Variants in CLYBL observed in about 807,000 individuals in gnomAD.
The protein encoded by CLYBL is citramalyl-CoA lyase.
A neutral mutation model predicts 38.9 loss-of-function variants in CLYBL; 31 were observed. The ratio of observed to expected loss-of-function variants is 0.80; its 90% CI spans 0.60 to 1.08. CLYBL has a LOEUF of 1.08. CLYBL is among the 50% of genes least tolerant of loss of function. The pLI is 0.00. For synonymous variants in CLYBL, 171 were observed against 158.6 expected, an observed-to-expected ratio of 1.08 and a Z score of -0.59; for missense variants, 434 against 411.6, an observed-to-expected ratio of 1.05 and a Z score of -0.47.
chr13:99,855,218 G>A (rs570120613), intron 2 of CLYBL, among the ~76,000 whole-genome samples: 1 of 152,278 alleles, frequency 6.6e-6, no homozygotes, highest in South Asian at 2.1e-4. Context: ...GTCCTGTAGT[G>A]TTAACACATT....
In CLYBL at chr13:99,837,897, G is replaced by A. The variant is rs570886004; in HGVS notation, c.250-20964G>A. Among the ~76,000 whole-genome samples, 6 of 152,256 alleles carry A rather than the reference G, an allele frequency of 3.9e-5. No individual in the cohort carries two copies. In the East Asian group the frequency reaches 1.2e-3, roughly 29 times the overall value. ...CAGAAATCTCTACATACCAAAACGT[G>A]TACTAAGCTTCTTAACCATAAATGA... On this transcript the variant is annotated intron_variant, in intron 2 of 8. Coordinates refer to ENST00000339105, the MANE Select transcript of CLYBL (RefSeq NM_206808.5).
intron 2 of CLYBL, among the ~76,000 whole-genome samples, chr13:99,815,090 C>T (rs2050416834): frequency 6.6e-6 from 1 of 152,158 alleles, no homozygotes; most frequent in Non-Finnish European, 1.5e-5. Flanking sequence ...AGGTAACACA[C>T]CCCACATGGT....
At chr13:99,899,504 T>G (rs946057122), downstream of CLYBL, among the ~76,000 whole-genome samples, 2 of 152,070 alleles carry the variant, frequency 1.3e-5, no homozygotes, top group African/African-American at 4.8e-5. Flanking sequence ...CATATGGTGG[T>G]TGTCAGGGTT....
intron 2 of CLYBL, among the ~76,000 whole-genome samples, chr13:99,811,293 A>G (rs2050336783): frequency 6.6e-6 from 1 of 152,206 alleles, no homozygotes; most frequent in Non-Finnish European, 1.5e-5. Flanking sequence ...GAGACCAAAA[A>G]TGCATGTCAA....
At chr13:99,792,978 T>G (rs1183884276) in intron 2 of CLYBL, among the ~76,000 whole-genome samples, 2 of 151,878 alleles carry the variant, frequency 1.3e-5, no homozygotes, top group Non-Finnish European at 2.9e-5. Context: ...AGCATATATA[T>G]TCTCTCTACT....
At chr13:99,901,641 T>G (rs1223675136), downstream of CLYBL, among the ~76,000 whole-genome samples, 2 of 30,610 alleles carry the variant, frequency 6.5e-5, no homozygotes, top group Non-Finnish European at 1.0e-4. Context: ...TTTTGGATTT[T>G]TTTGTTTTTT....
At chr13:99,612,167 C>CT (rs1427440412) in intron 1 of CLYBL, among the ~76,000 whole-genome samples, 2 of 152,020 alleles carry the variant, frequency 1.3e-5, no homozygotes, top group South Asian at 2.1e-4. Flanking sequence ...ATTTGTAATT[C>CT]TTTTTTCTCT....
intron 2 of CLYBL, among the ~76,000 whole-genome samples, chr13:99,808,305 C>T (rs1020329436): frequency 6.6e-6 from 1 of 152,044 alleles, no homozygotes; most frequent in Non-Finnish European, 1.5e-5. Context: ...AGACTGGTCT[C>T]AAACTCCTGG....
intron 1 of CLYBL, among the ~76,000 whole-genome samples, chr13:99,663,564 C>A (rs144663748): frequency 6.6e-6 from 1 of 152,160 alleles, no homozygotes; most frequent in Admixed American, 6.5e-5. Flanking sequence ...TCGGGACATG[C>A]CTTGGTTTGT....
At chr13:99,834,243 G>C (rs1476695459) in intron 2 of CLYBL, among the ~76,000 whole-genome samples, 1 of 152,142 alleles carries the variant, frequency 6.6e-6, no homozygotes, top group Non-Finnish European at 1.5e-5. Flanking sequence ...TGCCTGCCAA[G>C]GTGCCAAGCC....
chr13:99,644,179 A>G (rs80101912), intron 1 of CLYBL, among the ~76,000 whole-genome samples: 1 of 131,296 alleles, frequency 7.6e-6, no homozygotes, highest in African/African-American at 3.2e-5. Flanking sequence ...ATGTATGTAC[A>G]TGTGTATGTA....
At chr13:99,897,421 C>T (rs2052594882), downstream of CLYBL, among the ~76,000 whole-genome samples, 1 of 152,202 alleles carries the variant, frequency 6.6e-6, no homozygotes, top group East Asian at 1.9e-4. Flanking sequence ...CATACAAGCT[C>T]TTGTTCGAGA....
intron 1 of CLYBL, among the ~76,000 whole-genome samples, chr13:99,681,160 T>G (rs1420135656): frequency 6.6e-6 from 1 of 152,222 alleles, no homozygotes; most frequent in East Asian, 1.9e-4. Context: ...GGATTGGATC[T>G]TAAGCCGGAA....
chr13:99,712,763 G>T (rs2048255196), intron 1 of CLYBL, among the ~76,000 whole-genome samples: 2 of 152,052 alleles, frequency 1.3e-5, no homozygotes, highest in African/African-American at 4.8e-5. Context: ...ATTCCTTCTG[G>T]AGTCTTCTAT....
At chr13:99,793,575 T>C (rs559605400) in intron 2 of CLYBL, among the ~76,000 whole-genome samples, 3 of 152,156 alleles carry the variant, frequency 2.0e-5, no homozygotes, top group African/African-American at 7.2e-5. Flanking sequence ...CAGTAATTGT[T>C]AAAAAATAAA....
chr13:99,710,469 G>T (rs549036127), intron 1 of CLYBL, among the ~76,000 whole-genome samples: 1 of 152,170 alleles, frequency 6.6e-6, no homozygotes, highest in East Asian at 1.9e-4. Context: ...TTTTTTCAGT[G>T]GTCCTTGTCA....
At chr13:99,696,428 C>T (rs9582334) in intron 1 of CLYBL, among the ~76,000 whole-genome samples, 2,019 of 152,090 alleles carry the variant, frequency 0.013, 46 homozygotes, top group African/African-American at 0.046. Context: ...CAGGGTCTCC[C>T]TGTGTTGCCC....
chr13:99,655,445 C>T (rs1360667392), intron 1 of CLYBL, among the ~76,000 whole-genome samples: 3 of 152,190 alleles, frequency 2.0e-5, no homozygotes, highest in East Asian at 1.9e-4. Context: ...AGGTGTGACT[C>T]ATGGAATGAA....
chr13:99,900,000 C>T (rs2152137197), downstream of CLYBL, among the ~76,000 whole-genome samples: 1 of 152,192 alleles, frequency 6.6e-6, no homozygotes, highest in South Asian at 2.1e-4. Context: ...GATATTGGCT[C>T]ACTGCAACCT....
Sources: allele counts gnomAD v4.1 joint callset (sites outside exome capture counted in the v4.1 genomes callset), GRCh38; gene constraint gnomAD v4.1.1; transcripts MANE v1.5; gene names NCBI Gene and HGNC (gene_info 2026-07-23, HGNC 2026-07-21).